RGS21: variants seen among roughly 807,000 people sequenced by gnomAD.
RGS21 encodes regulator of G protein signaling 21, also known as regulator of G-protein signalling 21.
Under a neutral mutation model 18.7 loss-of-function variants are expected in RGS21, and 19 were observed. The ratio of observed to expected loss-of-function variants is 1.01; its 90% CI spans 0.71 to 1.49. The LOEUF is 1.49. RGS21 is among the 40% of genes most tolerant of loss of function. RGS21 has a pLI of 0.00. For synonymous variants in RGS21, 56 were observed against 57.8 expected (o/e 0.97, Z 0.14); for missense variants, 194 against 176.8 (o/e 1.10, Z -0.55).
chr1:192,345,654 T>C (rs1463429845), intron 2 of RGS21, among the ~76,000 whole-genome samples: 1 of 152,056 alleles, frequency 6.6e-6, no homozygotes, highest in Non-Finnish European at 1.5e-5. Context: ...TGGCTGCCTG[T>C]TCCTCATTCA....
intron 1 of RGS21, among the ~76,000 whole-genome samples, chr1:192,333,269 T>TACACACAC (rs137948736): frequency 0.12 from 17,712 of 142,834 alleles, 1,116 homozygotes; most frequent in African/African-American, 0.15. Flanking sequence ...GTTTCTTAAA[T>TACACACAC]ACACACACAC....
intron 1 of RGS21, among the ~76,000 whole-genome samples, chr1:192,319,304 T>A (rs1281858801): frequency 6.6e-6 from 1 of 152,066 alleles, no homozygotes; most frequent in Admixed American, 6.6e-5. Context: ...CCTTCCAACT[T>A]TTTTTTATAT....
chr1:192,359,653 GTGTATATATA>G (rs943467083), intron 4 of RGS21, among the ~76,000 whole-genome samples: 4 of 104,518 alleles, frequency 3.8e-5, no homozygotes, highest in South Asian at 3.1e-4. Flanking sequence ...ATGTGTGTGT[GTGTATATATA>G]TATATATATA....
At chr1:192,352,340 G>T (rs1332657026) in intron 4 of RGS21, 127 bp downstream of exon 4, 5 of 582,502 alleles carry the variant, frequency 8.6e-6, no homozygotes, top group Non-Finnish European at 1.3e-5. Context: ...AATGTCAGTA[G>T]ATTCCAAGAG....
At chr1:192,321,939 A>G (rs1370535742) in intron 1 of RGS21, among the ~76,000 whole-genome samples, 2 of 152,146 alleles carry the variant, frequency 1.3e-5, no homozygotes, top group East Asian at 3.8e-4. Flanking sequence ...ACACACACAG[A>G]GATTATAGCA....
intron 1 of RGS21, 114 bp from the exon 2 acceptor site, chr1:192,342,863 A>G: frequency 3.5e-6 from 2 of 571,506 alleles, no homozygotes; most frequent in Non-Finnish European, 6.4e-6. Flanking sequence ...TGAAAAGTTA[A>G]TAACAAAAAT....
At chr1:192,339,940 A>T (rs935342063) in intron 1 of RGS21, among the ~76,000 whole-genome samples, 8 of 152,000 alleles carry the variant, frequency 5.3e-5, no homozygotes, top group African/African-American at 1.9e-4. Context: ...TGACAAATAA[A>T]ACATATATTT....
intron 4 of RGS21, among the ~76,000 whole-genome samples, chr1:192,360,578 T>C (rs997510755): frequency 6.6e-6 from 1 of 152,122 alleles, no homozygotes; most frequent in Non-Finnish European, 1.5e-5. Flanking sequence ...AGCCAGCTAT[T>C]ACACCACATG....
At chr1:192,329,603 A>G (rs1001392992) in intron 1 of RGS21, among the ~76,000 whole-genome samples, 1 of 152,176 alleles carries the variant, frequency 6.6e-6, no homozygotes, top group Non-Finnish European at 1.5e-5. Flanking sequence ...GAATTAAAGT[A>G]CTAAGGCAGT....
chr1:192,322,448 T>G (rs1571447081), intron 1 of RGS21, among the ~76,000 whole-genome samples: 1 of 152,254 alleles, frequency 6.6e-6, no homozygotes, highest in African/African-American at 2.4e-5. Flanking sequence ...ACTTCCACAA[T>G]TGTTTTCCCA....
At chr1:192,352,587 A>G (rs1659059749) in intron 4 of RGS21, among the ~76,000 whole-genome samples, 1 of 152,122 alleles carries the variant, frequency 6.6e-6, no homozygotes, top group Non-Finnish European at 1.5e-5. Context: ...TAGGAATTAG[A>G]CAAAGTCAAT....
In RGS21 at chr1:192,352,098, A is replaced by T; in HGVS notation, c.140A>T (p.Asn47Ile). ...CTAAAATCAGAGTTTAGTGAAGAAAATGTTGAGTTCTGGCTTGCCTGTGAA... is the reference window on the plus strand; with the variant it reads ...CTAAAATCAGAGTTTAGTGAAGAAATTGTTGAGTTCTGGCTTGCCTGTGAA... ...IFLKSEFSEE[N>I]VEFWLACEDF... Residue 47 changes from asparagine to isoleucine, a missense_variant, in exon 4 of 5, where the codon AAT becomes ATT. Transcript: ENST00000417209. 6.2e-7 allele frequency: 1 copy of T among 1,606,392 alleles called. No homozygotes were observed. The highest frequency in any genetic ancestry group is 1.1e-5 in the South Asian group (1 of 89,748).
At chr1:192,353,508 T>A (rs1002511732) in intron 4 of RGS21, among the ~76,000 whole-genome samples, 2 of 151,850 alleles carry the variant, frequency 1.3e-5, no homozygotes, top group Admixed American at 1.3e-4. Context: ...GATATCCTAC[T>A]TAATGTTATA....
At chr1:192,335,848 C>T (rs1480994212) in intron 1 of RGS21, among the ~76,000 whole-genome samples, 1 of 152,048 alleles carries the variant, frequency 6.6e-6, no homozygotes, top group African/African-American at 2.4e-5. Context: ...GAATACCAGG[C>T]AGTCAGTGTG....
chr1:192,317,224 T>C (rs1394476711), intron 1 of RGS21, 119 bp downstream of exon 1: 2 of 151,856 alleles, frequency 1.3e-5, no homozygotes, highest in East Asian at 1.9e-4. Flanking sequence ...CTCAGCGAGT[T>C]TGGAATCATA....
chr1:192,338,160 A>G (rs1480823937), intron 1 of RGS21, among the ~76,000 whole-genome samples: 2 of 152,144 alleles, frequency 1.3e-5, no homozygotes, highest in African/African-American at 2.4e-5. Flanking sequence ...TGGTATTGCC[A>G]TTGCTCAAAA....
intron 4 of RGS21, among the ~76,000 whole-genome samples, chr1:192,364,752 A>T (rs970357058): frequency 5.8e-4 from 88 of 152,286 alleles, no homozygotes; most frequent in African/African-American, 2.1e-3. Context: ...ATTATGTGGT[A>T]GGTATTCTGC....
intron 2 of RGS21, among the ~76,000 whole-genome samples, chr1:192,344,393 G>T (rs1359227261): frequency 1.3e-5 from 2 of 151,972 alleles, no homozygotes; most frequent in African/African-American, 4.8e-5. Flanking sequence ...TACTGTCTGT[G>T]GAATATTGCA....
intron 1 of RGS21, among the ~76,000 whole-genome samples, chr1:192,336,221 G>A (rs968533169): frequency 2.0e-5 from 3 of 152,104 alleles, no homozygotes; most frequent in Admixed American, 6.6e-5. Flanking sequence ...TTGAGAGACC[G>A]AGGAGGGTGG....
Sources: gnomAD v4.1 joint callset for allele counts (sites outside exome capture counted in the v4.1 genomes callset) on GRCh38, gnomAD v4.1.1 for gene constraint, MANE v1.5 for transcripts, NCBI Gene and HGNC (gene_info 2026-07-23, HGNC 2026-07-21) for gene names.